KIFAP3: variants seen among roughly 807,000 people sequenced by gnomAD.
KIFAP3 encodes kinesin-associated protein 3.
In KIFAP3, 68 loss-of-function variants were observed where a neutral mutation model predicts 106.5. The observed-to-expected ratio is 0.64, with a 90% CI of 0.53 to 0.78. KIFAP3 has a LOEUF of 0.78. KIFAP3 is among the 30% of genes least tolerant of loss of function. The pLI, the probability that KIFAP3 is intolerant of heterozygous loss-of-function variation, is 0.00. For missense variants in KIFAP3, 780 were observed against 941.8 expected (o/e 0.83, Z 2.25); for synonymous variants, 320 against 311.5 (o/e 1.03, Z -0.29).
chr1:170,014,088 C>T (rs867404185), intron 10 of KIFAP3, among the ~76,000 whole-genome samples: 11 of 152,108 alleles, frequency 7.2e-5, no homozygotes, highest in African/African-American at 1.4e-4. Flanking sequence ...CTTCTCTAAA[C>T]GAGGTTTTCT....
intron 8 of KIFAP3, among the ~76,000 whole-genome samples, chr1:170,028,568 C>G (rs1305120139): frequency 1.3e-5 from 2 of 152,280 alleles, no homozygotes; most frequent in East Asian, 3.9e-4. Context: ...AACTCCTGAC[C>G]TCAAGTGATC....
intron 18 of KIFAP3, among the ~76,000 whole-genome samples, chr1:169,955,432 A>G (rs1385498548): frequency 6.6e-6 from 1 of 152,232 alleles, no homozygotes; most frequent in African/African-American, 2.4e-5. Context: ...GTGTGGAGGC[A>G]GTAAAAGCTA....
intron 16 of KIFAP3, among the ~76,000 whole-genome samples, chr1:169,973,517 A>G (rs1261024161): frequency 6.6e-6 from 1 of 150,962 alleles, no homozygotes; most frequent in Non-Finnish European, 1.5e-5. Flanking sequence ...AATTCTAGTA[A>G]AAAAAACTTG....
At chr1:169,968,475 T>C (rs1665744022) in intron 17 of KIFAP3, among the ~76,000 whole-genome samples, 1 of 151,952 alleles carries the variant, frequency 6.6e-6, no homozygotes, top group Non-Finnish European at 1.5e-5. Flanking sequence ...GGCAGCCCCC[T>C]AATTGAGACT....
At chr1:170,018,465 A>G (rs887521045) in intron 9 of KIFAP3, among the ~76,000 whole-genome samples, 1 of 152,188 alleles carries the variant, frequency 6.6e-6, no homozygotes, top group Non-Finnish European at 1.5e-5. Flanking sequence ...CTTTGGTTGT[A>G]AAAACATCTC....
intron 1 of KIFAP3, among the ~76,000 whole-genome samples, chr1:170,062,565 G>A (rs1421142557): frequency 1.3e-5 from 2 of 152,012 alleles, no homozygotes; most frequent in African/African-American, 4.8e-5. Context: ...AATATTTAAA[G>A]TTTTTACATT....
In KIFAP3 at chr1:169,982,118, A is replaced by G. The variant is rs770333902; in HGVS notation, c.1673-21T>C. On this transcript the variant is annotated intron_variant, in intron 14 of 19. Coordinates refer to ENST00000361580, the MANE Select transcript of KIFAP3 (RefSeq NM_014970.4). ...AGCACCTAGTGAAGTCAAACCATAG[A>G]AAGTTTTCACTGAAATGTCCTGATC... 6 of 1,609,378 alleles carry G rather than the reference A, an allele frequency of 3.7e-6. No homozygotes were observed. The Admixed American group carries it at 5.1e-5, about 14-fold the overall frequency.
At chr1:170,069,043 G>C (rs1297492808) in intron 1 of KIFAP3, 1 of 152,074 alleles carries the variant, frequency 6.6e-6, no homozygotes, top group Non-Finnish European at 1.5e-5. Context: ...ATGAAAGTGG[G>C]ACATTACTGC....
chr1:169,978,043 T>A, intron 16 of KIFAP3, 42 bp downstream of exon 16: 2 of 1,213,692 alleles, frequency 1.6e-6, no homozygotes, highest in East Asian at 2.4e-5. Context: ...CTTTTCTGAA[T>A]ATGTGAAATA....
Position 169,960,650 on chromosome 1 carries a change from A to G in KIFAP3, c.2173+396T>C, listed in dbSNP as rs141462569. The stretch of plus-strand genomic sequence containing the variant: ...CTAAAGCAAAACCATGGCAAAATTA[A>G]ACTGTTAAGATTAAATACCTTGGAA... On this transcript the variant is annotated intron_variant, in intron 18 of 19. Coordinates refer to ENST00000361580, the MANE Select transcript of KIFAP3 (RefSeq NM_014970.4). Among the ~76,000 whole-genome samples the G allele has an allele frequency of 7.2e-4, 110 of 152,290 alleles. 1 individual carries two copies. The highest frequency in any genetic ancestry group is 6.5e-3 in the Admixed American group (100 of 15,288).
chr1:169,978,268 G>T, intron 15 of KIFAP3, 85 bp from the exon 16 acceptor site: 1 of 857,296 alleles, frequency 1.2e-6, no homozygotes, highest in Admixed American at 2.2e-5. Context: ...TATAGAACGA[G>T]AAAAACTAAA....
At chr1:170,021,489 G>A (rs1039437647) in intron 9 of KIFAP3, among the ~76,000 whole-genome samples, 15 of 147,566 alleles carry the variant, frequency 1.0e-4, no homozygotes, top group Non-Finnish European at 3.0e-5. Context: ...ACCCAGGCTG[G>A]AGTGCAGTGA....
At chr1:169,978,056 G>T in intron 16 of KIFAP3, 29 bp downstream of exon 16, 6 of 1,327,850 alleles carry the variant, frequency 4.5e-6, no homozygotes, top group African/African-American at 1.5e-5. Flanking sequence ...GTGAAATATT[G>T]TTATCTACGG....
chr1:170,031,969 T>G lies in KIFAP3; in HGVS notation c.758A>C (p.Glu253Ala), dbSNP rs995642048. The change falls in exon 8 of 20, where the codon GAA (glutamate) becomes GCA (alanine). Residue 253 changes from glutamate to alanine, a missense_variant. Physicochemically the swap from Glu to Ala is moderately radical, Grantham distance 107 (BLOSUM62 -1). Transcript: ENST00000361580. ...KKKKAVDEDP[E>A]NQTLRKDYEK... ...ATAATCCTTTCTCAAGGTTTGGTTT[T>G]CAGGGTCTTCATCAAGTAAACAACT... 13 of 1,607,108 alleles carry G rather than the reference T, an allele frequency of 8.1e-6. No individual in the cohort carries two copies. Among genetic ancestry groups the G allele is most frequent in the Middle Eastern group, 1.7e-4 (1 of 6,030 alleles).
At chr1:169,972,438 T>C in intron 17 of KIFAP3, 75 bp downstream of exon 17, 1 of 763,834 alleles carries the variant, frequency 1.3e-6, no homozygotes, top group Non-Finnish European at 2.2e-6. Context: ...ATGCATTGTT[T>C]AAAATAGGTT....
At chr1:169,972,620 A>T (rs511443) in intron 16 of KIFAP3, 22 bp from the exon 17 acceptor site, 1,136,780 of 1,237,672 alleles carry the variant, frequency 0.92, 522,376 homozygotes, top group East Asian at 1. Context: ...TGGTTAAAGA[A>T]ACAAACTACA....
chr1:170,035,212 C>A (rs1669622611), intron 6 of KIFAP3, among the ~76,000 whole-genome samples: 1 of 151,948 alleles, frequency 6.6e-6, no homozygotes, highest in African/African-American at 2.4e-5. Flanking sequence ...GAGGGTGCCA[C>A]TATTACTATC....
At chr1:169,943,156 G>A (rs1239876315) in intron 19 of KIFAP3, among the ~76,000 whole-genome samples, 1 of 151,988 alleles carries the variant, frequency 6.6e-6, no homozygotes, top group Non-Finnish European at 1.5e-5. Context: ...AGCCCATATG[G>A]CTCATATCTG....
At chr1:170,030,644 A>G (rs1669352490) in intron 8 of KIFAP3, among the ~76,000 whole-genome samples, 1 of 151,914 alleles carries the variant, frequency 6.6e-6, no homozygotes, top group African/African-American at 2.4e-5. Flanking sequence ...GATAAATGCA[A>G]TAATATGGAT....
Sources: gnomAD v4.1 joint callset for allele counts (sites outside exome capture counted in the v4.1 genomes callset) on GRCh38, gnomAD v4.1.1 for gene constraint, MANE v1.5 for transcripts, NCBI Gene and HGNC (gene_info 2026-07-23, HGNC 2026-07-21) for gene names.